The following STPG2 variants were observed in gnomAD, a reference collection of about 807,000 sequenced individuals.
STPG2 encodes the protein sperm tail PG-rich repeat containing 2, also known as sperm-tail PG-rich repeat-containing protein 2.
A neutral mutation model predicts 54.2 loss-of-function variants in STPG2; 56 were observed. That is an observed-to-expected ratio of 1.03 (90% CI 0.83 to 1.29). STPG2 has a LOEUF of 1.29. STPG2 is among the 50% of genes most tolerant of loss of function. STPG2 has a pLI of 0.00. For synonymous variants in STPG2, 200 were observed against 181.8 expected (o/e 1.10, Z -0.81); for missense variants, 596 against 544.9 (o/e 1.09, Z -0.93).
chr4:98,056,760 G>T (rs1336018591), intron 5 of STPG2, among the ~76,000 whole-genome samples: 1 of 152,156 alleles, frequency 6.6e-6, no homozygotes, highest in Non-Finnish European at 1.5e-5. Flanking sequence ...GATCATGGGG[G>T]CAGACTTCCC....
At chr4:97,568,801 C>T (rs945985506) in intron 10 of STPG2, among the ~76,000 whole-genome samples, 1 of 151,926 alleles carries the variant, frequency 6.6e-6, no homozygotes, top group Non-Finnish European at 1.5e-5. Context: ...TGGGTAGAGG[C>T]ATGTCAAAAG....
intron 8 of STPG2, among the ~76,000 whole-genome samples, chr4:97,890,782 A>T (rs1045183934): frequency 1.3e-5 from 2 of 152,016 alleles, no homozygotes; most frequent in Admixed American, 1.3e-4. Flanking sequence ...GTATCAAAAT[A>T]GCACATATGC....
intron 5 of STPG2, among the ~76,000 whole-genome samples, chr4:98,039,324 C>T (rs984617977): frequency 7.0e-6 from 1 of 142,738 alleles, no homozygotes; most frequent in African/African-American, 2.6e-5. Context: ...ATAAATCCCC[C>T]GTGGGAGAAA....
intron 5 of STPG2, among the ~76,000 whole-genome samples, chr4:98,030,487 C>T (rs1290292219): frequency 1.3e-5 from 2 of 152,128 alleles, no homozygotes; most frequent in South Asian, 2.1e-4. Flanking sequence ...AGACTCAATG[C>T]TATTTCTATT....
chr4:98,120,159 C>A (rs959889399), intron 3 of STPG2, among the ~76,000 whole-genome samples: 1 of 152,138 alleles, frequency 6.6e-6, no homozygotes, highest in Non-Finnish European at 1.5e-5. Context: ...TAGCTCACTG[C>A]AACCTCTACC....
intron 5 of STPG2, among the ~76,000 whole-genome samples, chr4:98,006,823 C>G (rs556257961): frequency 6.6e-6 from 1 of 152,168 alleles, no homozygotes; most frequent in African/African-American, 2.4e-5. Context: ...GAACTGAGCC[C>G]AATCAGTTCC....
In STPG2 at chr4:97,845,553, T is replaced by A. The variant is rs1201493343; in HGVS notation, c.1045-4621A>T. Among the ~76,000 whole-genome samples, 3 of 152,210 alleles carry A rather than the reference T, an allele frequency of 2.0e-5. No homozygotes were observed. In the South Asian group the frequency reaches 6.2e-4, roughly 31 times the overall value. On this transcript the variant is annotated intron_variant, in intron 8 of 10. Coordinates refer to ENST00000295268, the MANE Select transcript of STPG2 (RefSeq NM_174952.3). ...ACAAATTTAAATTATCATATTATTC[T>A]GGTTAATTAAACATTTTAAAACTAT...
intron 3 of STPG2, among the ~76,000 whole-genome samples, chr4:98,128,225 G>C (rs1739883014): frequency 6.6e-6 from 1 of 152,176 alleles, no homozygotes; most frequent in African/African-American, 2.4e-5. Context: ...CACTTAACGA[G>C]AATGTCCATG....
intron 5 of STPG2, among the ~76,000 whole-genome samples, chr4:98,018,705 C>A (rs557201756): frequency 6.6e-6 from 1 of 151,432 alleles, no homozygotes; most frequent in Non-Finnish European, 1.5e-5. Flanking sequence ...TGAATGACTG[C>A]CATTCTAAAT....
chr4:97,644,565 A>G (rs1232906181), intron 10 of STPG2, among the ~76,000 whole-genome samples: 35 of 152,032 alleles, frequency 2.3e-4, no homozygotes, highest in Admixed American at 2.3e-3. Flanking sequence ...ACCAAATGGA[A>G]AGAATCAGAA....
intron 4 of STPG2, among the ~76,000 whole-genome samples, chr4:97,541,300 A>C (rs1017113909): frequency 5.3e-5 from 8 of 152,132 alleles, no homozygotes; most frequent in Non-Finnish European, 1.0e-4. Flanking sequence ...ATGTGCAAAA[A>C]TCACAAGCAT....
At chr4:97,729,191 GA>G (rs149574392) in intron 9 of STPG2, among the ~76,000 whole-genome samples, 50 of 143,444 alleles carry the variant, frequency 3.5e-4, no homozygotes, top group Admixed American at 1.8e-3. Context: ...AATTTCTGTT[GA>G]AAAAAAAAAG....
At chr4:97,673,923 T>C (rs1441280064) in intron 10 of STPG2, among the ~76,000 whole-genome samples, 7 of 152,196 alleles carry the variant, frequency 4.6e-5, no homozygotes, top group Admixed American at 6.6e-5. Flanking sequence ...TATATCACCA[T>C]AAATTTAAAA....
intron 8 of STPG2, among the ~76,000 whole-genome samples, chr4:97,934,400 G>A (rs894410349): frequency 1.3e-5 from 2 of 152,112 alleles, no homozygotes; most frequent in African/African-American, 2.4e-5. Flanking sequence ...ATACTATGTT[G>A]AAAAGGAGTG....
chr4:97,946,522 T>C (rs2149235431), intron 7 of STPG2, among the ~76,000 whole-genome samples: 1 of 152,310 alleles, frequency 6.6e-6, no homozygotes, highest in Non-Finnish European at 1.5e-5. Flanking sequence ...ATTTTTATGG[T>C]TTCAGGTATT....
chr4:97,469,130 C>G (rs1026561478), intron 4 of STPG2, among the ~76,000 whole-genome samples: 3 of 152,164 alleles, frequency 2.0e-5, no homozygotes, highest in East Asian at 3.9e-4. Context: ...TTGTTTTAAA[C>G]TCAGGCAAAC....
chr4:97,795,710 T>C (rs946287509), intron 9 of STPG2, among the ~76,000 whole-genome samples: 1 of 152,232 alleles, frequency 6.6e-6, no homozygotes, highest in Non-Finnish European at 1.5e-5. Flanking sequence ...TTTGGGTATA[T>C]ACCCAGTAAT....
intron 8 of STPG2, among the ~76,000 whole-genome samples, chr4:97,899,768 A>T (rs1302468470): frequency 3.3e-5 from 5 of 152,106 alleles, no homozygotes; most frequent in Non-Finnish European, 7.4e-5. Flanking sequence ...TGGCAGCTAC[A>T]TGCAGAATAT....
rs1316047618 is a variant in STPG2 at position 97,981,145 on chromosome 4, G to A, written c.772+14C>T. 2 of 1,612,422 alleles carry A rather than the reference G, an allele frequency of 1.2e-6. No homozygotes were observed. Among genetic ancestry groups the A allele is most frequent in the Non-Finnish European group, 1.7e-6 (2 of 1,179,512 alleles). On this transcript the variant is annotated intron_variant, in intron 6 of 10. Coordinates refer to ENST00000295268, the MANE Select transcript of STPG2 (RefSeq NM_174952.3). ...TAAAGCCAAAGAGTAGACATATATA[G>A]ATAAATTGCTAACCTGGCATTTCCT...
Sources: allele counts gnomAD v4.1 joint callset (sites outside exome capture counted in the v4.1 genomes callset), GRCh38; gene constraint gnomAD v4.1.1; transcripts MANE v1.5; gene names NCBI Gene and HGNC (gene_info 2026-07-23, HGNC 2026-07-21).